CA10: variants seen among roughly 807,000 people sequenced by gnomAD.
CA10 encodes the protein carbonic anhydrase 10 (inactive).
CA10 carries 14 observed loss-of-function variants against 44.2 expected under a neutral mutation model. The ratio of observed to expected loss-of-function variants is 0.32; its 90% confidence interval spans 0.21 to 0.50. The LOEUF (loss-of-function observed/expected upper bound fraction) is 0.50, where lower values mean the gene tolerates loss of function less well. Among genes scored for constraint, CA10 ranks in the 20% least tolerant of loss-of-function variants. CA10 has a pLI of 0.99. For missense variants in CA10, 350 were observed against 409.7 expected (o/e 0.85, Z 1.26); for synonymous variants, 159 against 141.6 (o/e 1.12, Z -0.87).
intron 3 of CA10, among the ~76,000 whole-genome samples, chr17:51,918,735 G>T (rs944973113): frequency 3.9e-5 from 6 of 152,098 alleles, no homozygotes; most frequent in Non-Finnish European, 7.4e-5. Context: ...TAGACACTGG[G>T]TTTGCTCTAT....
intron 4 of CA10, among the ~76,000 whole-genome samples, chr17:51,676,992 T>C (rs1312045558): frequency 6.6e-6 from 1 of 152,154 alleles, no homozygotes; most frequent in African/African-American, 2.4e-5. Flanking sequence ...ATTTGATATC[T>C]GGTGTTTGTT....
chr17:51,665,212 T>C (rs1914163734), intron 4 of CA10, among the ~76,000 whole-genome samples: 1 of 152,306 alleles, frequency 6.6e-6, no homozygotes, highest in Admixed American at 6.5e-5. Context: ...ATTAATTGCA[T>C]AAAGTATGAT....
intron 2 of CA10, among the ~76,000 whole-genome samples, chr17:51,935,160 C>T (rs1055664142): frequency 3.3e-5 from 5 of 152,108 alleles, no homozygotes; most frequent in Admixed American, 6.5e-5. Context: ...TATAGACACC[C>T]GTGTCACCTT....
intron 4 of CA10, among the ~76,000 whole-genome samples, chr17:51,736,668 G>C (rs1032517263): frequency 6.6e-6 from 1 of 152,214 alleles, no homozygotes; most frequent in Non-Finnish European, 1.5e-5. Context: ...CTACCTCTGA[G>C]ACTAAGGAAT....
intron 3 of CA10, among the ~76,000 whole-genome samples, chr17:51,807,634 T>G (rs971501617): frequency 6.6e-6 from 1 of 152,144 alleles, no homozygotes; most frequent in East Asian, 1.9e-4. Flanking sequence ...GTAGAATGAG[T>G]GCTTACATTG....
At chr17:51,727,382 G>A (rs1334209519) in intron 4 of CA10, among the ~76,000 whole-genome samples, 3 of 149,248 alleles carry the variant, frequency 2.0e-5, no homozygotes, top group African/African-American at 7.4e-5. Context: ...CCAGATTAAT[G>A]AGATGTCACC....
chr17:51,916,486 A>G (rs1982001547), intron 3 of CA10, among the ~76,000 whole-genome samples: 1 of 152,112 alleles, frequency 6.6e-6, no homozygotes, highest in African/African-American at 2.4e-5. Flanking sequence ...TTCCCATGGT[A>G]TTCTTGTGAG....
chr17:52,044,297 G>A (rs1468859173), intron 2 of CA10, among the ~76,000 whole-genome samples: 1 of 151,844 alleles, frequency 6.6e-6, no homozygotes, highest in Non-Finnish European at 1.5e-5. Context: ...GTATGTTTCT[G>A]GGAATTTATT....
At chr17:51,960,993 C>T (rs762214551) in intron 2 of CA10, among the ~76,000 whole-genome samples, 11 of 152,120 alleles carry the variant, frequency 7.2e-5, no homozygotes, top group Middle Eastern at 3.2e-3. Context: ...AGTTGAAAGG[C>T]GTTAAGAGCA....
At chr17:51,794,923 A>T (rs1242537237) in intron 3 of CA10, among the ~76,000 whole-genome samples, 1 of 152,242 alleles carries the variant, frequency 6.6e-6, no homozygotes, top group Non-Finnish European at 1.5e-5. Flanking sequence ...AGAGGGAATT[A>T]TCTGGGACTC....
intron 2 of CA10, among the ~76,000 whole-genome samples, chr17:52,050,005 A>T (rs1223052460): frequency 6.6e-6 from 1 of 152,120 alleles, no homozygotes; most frequent in Non-Finnish European, 1.5e-5. Flanking sequence ...AGGCTATACC[A>T]CATAGCCTAG....
At chr17:51,962,698 G>C (rs1983937067) in intron 2 of CA10, among the ~76,000 whole-genome samples, 1 of 152,104 alleles carries the variant, frequency 6.6e-6, no homozygotes. Flanking sequence ...ACACCCCACA[G>C]GGAGTGGGGG....
chr17:52,096,157 T>C (rs563063658), intron 1 of CA10, among the ~76,000 whole-genome samples: 34 of 152,220 alleles, frequency 2.2e-4, no homozygotes, highest in South Asian at 8.3e-4. Context: ...GCTGCCAATA[T>C]AGGGGTACAT....
chr17:51,847,726 G>A lies in CA10; in HGVS notation c.279+83264C>T, dbSNP rs139605152. Among the ~76,000 whole-genome samples, 215 of 152,238 alleles carry A rather than the reference G, an allele frequency of 1.4e-3. 1 individual carries two copies. The highest frequency in any genetic ancestry group is 4.9e-3 in the African/African-American group (202 of 41,530). ...GGGGTAAATGCATTAGGCTTCATCTGGTTGGAGGCAGCCTTCCATGGGTCT... is the reference window on the plus strand; with the variant it reads ...GGGGTAAATGCATTAGGCTTCATCTAGTTGGAGGCAGCCTTCCATGGGTCT... On this transcript the variant is annotated intron_variant, in intron 3 of 8. Coordinates refer to ENST00000451037, the MANE Select transcript of CA10 (RefSeq NM_020178.5).
chr17:51,642,176 C>T (rs898423572), intron 6 of CA10, among the ~76,000 whole-genome samples: 18 of 152,288 alleles, frequency 1.2e-4, no homozygotes, highest in East Asian at 1.9e-4. Context: ...TCCTTGCTGA[C>T]GTGAGTAACT....
At position 51,960,046 on chromosome 17, in the gene CA10, T is replaced by G. The variant is rs144335423; in HGVS notation, c.137-28914A>C. ...CCTCTATGAAAAGAAAAAAATTCTT[T>G]TAAAATGGATGGAAAGAAATGTTGT... On this transcript the variant is annotated intron_variant, in intron 2 of 8. Transcript: ENST00000451037. Among the ~76,000 whole-genome samples the G allele has an allele frequency of 4.2e-3, 636 of 151,768 alleles. 3 individuals carry two copies. The highest frequency in any genetic ancestry group is 0.015 in the African/African-American group (602 of 41,446).
chr17:52,025,734 A>C (rs1986280537), intron 2 of CA10, among the ~76,000 whole-genome samples: 1 of 152,132 alleles, frequency 6.6e-6, no homozygotes, highest in Non-Finnish European at 1.5e-5. Flanking sequence ...GTAGAGAAGT[A>C]AAACATGCAT....
intron 1 of CA10, among the ~76,000 whole-genome samples, chr17:52,107,619 TG>T (rs572682137): frequency 3.3e-5 from 5 of 151,950 alleles, no homozygotes; most frequent in Non-Finnish European, 5.9e-5. Context: ...TCTTATAATT[TG>T]GGGGGGAAAA....
At chr17:52,070,151 C>A (rs1987641267) in intron 2 of CA10, among the ~76,000 whole-genome samples, 1 of 152,090 alleles carries the variant, frequency 6.6e-6, no homozygotes, top group African/African-American at 2.4e-5. Context: ...TCATCAGATA[C>A]CAATCTTCTC....
Sources: gnomAD v4.1 joint callset for allele counts (sites outside exome capture counted in the v4.1 genomes callset) on GRCh38, gnomAD v4.1.1 for gene constraint, MANE v1.5 for transcripts, NCBI Gene and HGNC (gene_info 2026-07-23, HGNC 2026-07-21) for gene names.